PITPNM3: variants seen among roughly 807,000 people sequenced by gnomAD.
The protein encoded by PITPNM3 is PITPNM family member 3, also known as membrane-associated phosphatidylinositol transfer protein 3.
A neutral mutation model predicts 102.0 loss-of-function variants in PITPNM3; 26 were observed. The ratio of observed to expected loss-of-function variants is 0.25; its 90% CI spans 0.19 to 0.35. The LOEUF (loss-of-function observed/expected upper bound fraction) is 0.35. Among genes scored for constraint, PITPNM3 ranks in the 10% least tolerant of loss-of-function variants. The pLI is 1.00. For missense variants in PITPNM3, 1,083 were observed against 1,346.1 expected (o/e 0.80, Z 3.06); for synonymous variants, 578 against 558.6 (o/e 1.03, Z -0.49).
intron 3 of PITPNM3, among the ~76,000 whole-genome samples, chr17:6,508,480 C>T (rs930804938): frequency 1.3e-5 from 2 of 152,162 alleles, no homozygotes; most frequent in African/African-American, 4.8e-5. Context: ...TCCTATTGGT[C>T]GGGGGCTTCC....
rs117012111 is a variant in PITPNM3 at position 6,463,615 on chromosome 17, G to A, written c.2306+117C>T. The A allele has an allele frequency of 4.5e-3, 6,340 of 1,416,076 alleles. 35 individuals are homozygous for A. Among genetic ancestry groups the A allele is most frequent in the African/African-American group, 0.02 (1,439 of 70,462 alleles). 87.7% of individuals were successfully genotyped at this position (1,416,076 alleles called of 1,614,324 possible). A position where few individuals can be genotyped will look rare whatever the true frequency, so the allele number is the denominator to read the frequency against. ...AGGTAAAGCCAGGGCTTCTCAGCTC[G>A]CAGCCCCAGAGACCGGTAGAATTCC... On this transcript the variant is annotated intron_variant, in intron 17 of 19. Coordinates refer to ENST00000262483, the MANE Select transcript of PITPNM3 (RefSeq NM_031220.4).
chr17:6,500,929 G>C (rs1042326439), intron 4 of PITPNM3, among the ~76,000 whole-genome samples: 1 of 152,170 alleles, frequency 6.6e-6, no homozygotes, highest in Non-Finnish European at 1.5e-5. Flanking sequence ...ACCCACCTCA[G>C]CCTCCCAAAG....
intron 10 of PITPNM3, 140 bp downstream of exon 10, chr17:6,474,292 C>T: frequency 8.2e-7 from 1 of 1,217,538 alleles, no homozygotes. Context: ...TCCCCACCCT[C>T]TCTCCTCTCT....
intron 4 of PITPNM3, among the ~76,000 whole-genome samples, chr17:6,491,514 T>A (rs928432015): frequency 6.6e-6 from 1 of 152,164 alleles, no homozygotes; most frequent in African/African-American, 2.4e-5. Flanking sequence ...TGAAAGTGGA[T>A]CGGCTCTGGC....
At chr17:6,530,227 C>T (rs1010930834) in intron 2 of PITPNM3, among the ~76,000 whole-genome samples, 1 of 152,196 alleles carries the variant, frequency 6.6e-6, no homozygotes, top group Non-Finnish European at 1.5e-5. Context: ...TTCTCTCACC[C>T]TTGGGGTTGG....
Position 6,478,455 on chromosome 17 carries a change from C to T in PITPNM3, c.777+92G>A, listed in dbSNP as rs1478377424. ...GCTCAGAGGCTGATTCGAGAACAGCCTGGCCTTGGCCCTTTCAGTAGATTC... is the reference window on the plus strand; with the variant it reads ...GCTCAGAGGCTGATTCGAGAACAGCTTGGCCTTGGCCCTTTCAGTAGATTC... On this transcript the variant is annotated intron_variant, in intron 7 of 19. Coordinates refer to ENST00000262483, the MANE Select transcript of PITPNM3 (RefSeq NM_031220.4). The surrounding 1 kb of genome is among the most constrained non-coding windows in gnomAD (Gnocchi z 4.4). The T allele has an allele frequency of 2.7e-6, 4 of 1,497,526 alleles. No homozygotes were observed. Among genetic ancestry groups the T allele is most frequent in the Non-Finnish European group, 3.7e-6 (4 of 1,087,184 alleles). 92.8% of individuals were successfully genotyped at this position (1,497,526 alleles called of 1,614,324 possible).
In PITPNM3 at chr17:6,452,655, CAT is replaced by C. The variant is rs1175955538; in HGVS notation, c.*2681_*2682del. The C allele has an allele frequency of 1.3e-5, 2 of 152,264 alleles. No individual in the cohort carries two copies. The highest frequency in any genetic ancestry group is 4.8e-5 in the African/African-American group (2 of 41,464). The allele number at this position is 152,264 out of a possible 1,614,324, so 9.4% of individuals were successfully genotyped here. A position where few individuals can be genotyped will look rare whatever the true frequency, so the allele number is the denominator to read the frequency against. Reference sequence around the variant, plus strand: ...AGTTGCCGTGAAAGCAGTACTGAAACATACCTTGTCTCGCCACTAAACAGAAC... The same window carrying C: ...AGTTGCCGTGAAAGCAGTACTGAAACACCTTGTCTCGCCACTAAACAGAAC... On this transcript the variant is annotated 3_prime_UTR_variant, in exon 20 of 20. Transcript: ENST00000262483.
chr17:6,478,943 C>T lies in PITPNM3; in HGVS notation c.588-207G>A. 1.7e-6 allele frequency: 1 copy of T among 601,524 alleles called. No individual in the cohort carries two copies. Among genetic ancestry groups the T allele is most frequent in the Non-Finnish European group, 2.9e-6 (1 of 341,536 alleles). 37.3% of individuals were successfully genotyped at this position (601,524 alleles called of 1,614,324 possible). ...GAGGATTCAAGCCTACACTGACTCC[C>T]TGTGTGTCCTTCCCGTGCTGGCCAT... On this transcript the variant is annotated intron_variant, in intron 6 of 19. Transcript: ENST00000262483. The surrounding 1 kb of genome is among the most constrained non-coding windows in gnomAD (Gnocchi z 4.4).
chr17:6,455,959 A>T (rs1914098034), intron 19 of PITPNM3, among the ~76,000 whole-genome samples: 1 of 151,770 alleles, frequency 6.6e-6, no homozygotes, highest in Non-Finnish European at 1.5e-5. Context: ...ACAACCATGC[A>T]TCTCTACCTG....
chr17:6,511,987 GGAACA>G (rs765618571), intron 3 of PITPNM3, among the ~76,000 whole-genome samples: 169 of 152,316 alleles, frequency 1.1e-3, no homozygotes, highest in Non-Finnish European at 6.6e-4. Context: ...CAGCACAGAA[GGAACA>G]GCAGGCTTAT....
rs1177528046 is a variant in PITPNM3 at position 6,453,255 on chromosome 17, G to A, written c.*2083C>T. On this transcript the variant is annotated 3_prime_UTR_variant, in exon 20 of 20. Transcript: ENST00000262483. Reference sequence around the variant, plus strand: ...CCATACTAATTATTTTATCATTTTAGTGTAACCAGTGCCTTCTGCAAGAAG... The same window carrying A: ...CCATACTAATTATTTTATCATTTTAATGTAACCAGTGCCTTCTGCAAGAAG... 1 of 152,122 alleles carries A rather than the reference G, an allele frequency of 6.6e-6. No individual in the cohort carries two copies. Among genetic ancestry groups the A allele is most frequent in the Non-Finnish European group, 1.5e-5 (1 of 68,044 alleles). 9.4% of individuals were successfully genotyped at this position (152,122 alleles called of 1,614,324 possible).
intron 4 of PITPNM3, 64 bp from the exon 5 acceptor site, chr17:6,484,356 G>C (rs1905941659): frequency 1.3e-5 from 20 of 1,483,610 alleles, no homozygotes; most frequent in Non-Finnish European, 1.7e-5. Context: ...GACACTCCCT[G>C]GGCCCAGCTG....
intron 9 of PITPNM3, among the ~76,000 whole-genome samples, chr17:6,475,688 T>A (rs1905271817): frequency 6.6e-6 from 1 of 152,152 alleles, no homozygotes; most frequent in South Asian, 2.1e-4. Flanking sequence ...GAAACCACCA[T>A]CTGTCCCTAC....
At chr17:6,533,639 T>C (rs1267610689) in intron 2 of PITPNM3, among the ~76,000 whole-genome samples, 1 of 152,042 alleles carries the variant, frequency 6.6e-6, no homozygotes, top group East Asian at 1.9e-4. Context: ...GTATCTTTAG[T>C]AGAGACGGGC....
At chr17:6,460,361 C>T (rs539733657) in intron 18 of PITPNM3, among the ~76,000 whole-genome samples, 1 of 152,366 alleles carries the variant, frequency 6.6e-6, no homozygotes, top group East Asian at 1.9e-4. Flanking sequence ...GTCCTTTCTC[C>T]TCTGTTTGCT....
At position 6,472,611 on chromosome 17, in the gene PITPNM3, C is replaced by A. The variant is rs755037929; in HGVS notation, c.1429+46G>T. The A allele has an allele frequency of 1.9e-6, 3 of 1,586,646 alleles. No individual in the cohort carries two copies. Among genetic ancestry groups the A allele is most frequent in the Non-Finnish European group, 2.6e-6 (3 of 1,167,318 alleles). ...CTTGGAGGGGTTGAATGGGCTGGGG[C>A]CCCACCTCCAGCTCAGCACACTCTC... is the stretch of plus-strand genomic sequence containing the variant. On this transcript the variant is annotated intron_variant, in intron 11 of 19. Coordinates refer to ENST00000262483, the MANE Select transcript of PITPNM3 (RefSeq NM_031220.4). This position sits in a 1 kb window ranked among gnomAD's most constrained non-coding sequence, Gnocchi z 4.1.
At chr17:6,510,708 C>T (rs1324743240) in intron 3 of PITPNM3, among the ~76,000 whole-genome samples, 1 of 152,256 alleles carries the variant, frequency 6.6e-6, no homozygotes, top group Admixed American at 6.5e-5. Flanking sequence ...AGGAAAGGGA[C>T]ACACCCAGAA....
chr17:6,554,529 C>T (rs903744214), intron 1 of PITPNM3, among the ~76,000 whole-genome samples: 5 of 152,070 alleles, frequency 3.3e-5, no homozygotes, highest in Admixed American at 6.6e-5. Context: ...CAGAAAAAAA[C>T]CAAAATGTTA....
intron 3 of PITPNM3, among the ~76,000 whole-genome samples, chr17:6,504,210 C>T (rs1004321148): frequency 6.6e-5 from 10 of 152,144 alleles, no homozygotes; most frequent in African/African-American, 2.4e-4. Flanking sequence ...CTTCCCCATG[C>T]AAAGCTACCT....
Sources: gnomAD v4.1 joint callset for allele counts (sites outside exome capture counted in the v4.1 genomes callset) on GRCh38, gnomAD v4.1.1 for gene constraint, Gnocchi (gnomAD v3.1) non-coding constraint, MANE v1.5 for transcripts, NCBI Gene and HGNC (gene_info 2026-07-23, HGNC 2026-07-21) for gene names.